Variants in DCC observed in about 807,000 individuals in gnomAD.
DCC encodes netrin receptor DCC.
Under a neutral mutation model 172.5 loss-of-function variants are expected in DCC, and 58 were observed. The observed-to-expected ratio is 0.34, with a 90% confidence interval of 0.27 to 0.42. DCC has a LOEUF of 0.42. Ranked by LOEUF, DCC falls within the 10% of genes least tolerant of loss-of-function variation. DCC has a pLI of 1.00. For synonymous variants in DCC, 709 were observed against 644.5 expected, an observed-to-expected ratio of 1.10 and a Z score of -1.52; for missense variants, 1,740 against 1,791.0, an observed-to-expected ratio of 0.97 and a Z score of 0.51.
chr18:52,530,246 C>T (rs2032108604), intron 1 of DCC, among the ~76,000 whole-genome samples: 1 of 152,074 alleles, frequency 6.6e-6, no homozygotes, highest in African/African-American at 2.4e-5. Context: ...CACACACACG[C>T]ACACACACAA....
intron 27 of DCC, among the ~76,000 whole-genome samples, chr18:53,518,691 T>C (rs1266001194): frequency 6.6e-6 from 1 of 152,090 alleles, no homozygotes; most frequent in Non-Finnish European, 1.5e-5. Context: ...CTTAATTAGT[T>C]GTATATCAGT....
At chr18:53,520,678 C>G (rs2046389751) in intron 27 of DCC, among the ~76,000 whole-genome samples, 1 of 152,036 alleles carries the variant, frequency 6.6e-6, no homozygotes, top group South Asian at 2.1e-4. Flanking sequence ...CAAAAAAATA[C>G]AAACATCATG....
At chr18:52,371,624 T>C (rs1224418588) in intron 1 of DCC, among the ~76,000 whole-genome samples, 1 of 152,196 alleles carries the variant, frequency 6.6e-6, no homozygotes, top group Non-Finnish European at 1.5e-5. Flanking sequence ...TAATTAGACC[T>C]CCTTCCCCTC....
At chr18:52,490,569 G>T (rs973617329) in intron 1 of DCC, among the ~76,000 whole-genome samples, 1 of 152,072 alleles carries the variant, frequency 6.6e-6, no homozygotes, top group African/African-American at 2.4e-5. Flanking sequence ...TTGCTTCCCC[G>T]TGAAGGGCGC....
intron 8 of DCC, among the ~76,000 whole-genome samples, chr18:53,172,353 C>G (rs1015343723): frequency 1.3e-5 from 2 of 148,948 alleles, no homozygotes; most frequent in Non-Finnish European, 1.5e-5. Context: ...GGTTGAAAAA[C>G]TGTTGCGTAC....
chr18:52,883,215 A>G (rs533583039), intron 2 of DCC, among the ~76,000 whole-genome samples: 12 of 152,136 alleles, frequency 7.9e-5, no homozygotes, highest in African/African-American at 2.6e-4. Context: ...AAGACATTCT[A>G]TGGCTTTGGA....
intron 8 of DCC, among the ~76,000 whole-genome samples, chr18:53,175,021 T>C (rs1294203248): frequency 6.6e-6 from 1 of 151,366 alleles, no homozygotes; most frequent in Non-Finnish European, 1.5e-5. Context: ...GCTGGTTCAA[T>C]ATACGCAAAT....
chr18:53,406,868 A>G (rs1241464605), intron 19 of DCC, among the ~76,000 whole-genome samples: 1 of 152,078 alleles, frequency 6.6e-6, no homozygotes, highest in African/African-American at 2.4e-5. Flanking sequence ...ACACATCCCA[A>G]TGAAGTTGCT....
At chr18:52,440,733 T>C (rs1045954054) in intron 1 of DCC, among the ~76,000 whole-genome samples, 7 of 152,246 alleles carry the variant, frequency 4.6e-5, no homozygotes. Flanking sequence ...TTAAGCACCA[T>C]TGCTGTATGG....
chr18:52,460,422 T>C (rs1036231034), intron 1 of DCC, among the ~76,000 whole-genome samples: 4 of 152,224 alleles, frequency 2.6e-5, no homozygotes, highest in African/African-American at 9.6e-5. Flanking sequence ...GCTTCCAAGA[T>C]AGTAAACTCT....
chr18:52,542,964 T>C (rs906160004), intron 1 of DCC, among the ~76,000 whole-genome samples: 4 of 152,238 alleles, frequency 2.6e-5, no homozygotes, highest in Non-Finnish European at 5.9e-5. Context: ...TATTCGAAGC[T>C]GGGCTTAACC....
At chr18:52,903,408 T>C (rs2039837605) in intron 2 of DCC, among the ~76,000 whole-genome samples, 1 of 152,126 alleles carries the variant, frequency 6.6e-6, no homozygotes, top group South Asian at 2.1e-4. Flanking sequence ...CGTTTCATCA[T>C]GTTGCCCAGG....
At chr18:53,438,280 C>T (rs139172640) in intron 22 of DCC, among the ~76,000 whole-genome samples, 81 of 152,194 alleles carry the variant, frequency 5.3e-4, no homozygotes, top group African/African-American at 1.9e-3. Context: ...GAGAAATTAA[C>T]CTATAGGTTT....
At chr18:52,457,889 A>G (rs1449567293) in intron 1 of DCC, among the ~76,000 whole-genome samples, 1 of 143,850 alleles carries the variant, frequency 7.0e-6, no homozygotes, top group African/African-American at 2.7e-5. Flanking sequence ...GACAGTTTCA[A>G]CTGGTTAAAA....
At chr18:53,117,050 A>G (rs1475008152) in intron 7 of DCC, among the ~76,000 whole-genome samples, 3 of 151,696 alleles carry the variant, frequency 2.0e-5, no homozygotes, top group Non-Finnish European at 4.4e-5. Flanking sequence ...AATCCAGTAA[A>G]ATGCATATAT....
chr18:53,160,027 G>A (rs1006905883), intron 8 of DCC, among the ~76,000 whole-genome samples: 7 of 152,108 alleles, frequency 4.6e-5, no homozygotes, highest in African/African-American at 1.4e-4. Context: ...ATGAGGAAGA[G>A]AAAGGGAAGG....
At chr18:53,128,187 T>C (rs2043593810) in intron 7 of DCC, among the ~76,000 whole-genome samples, 1 of 152,196 alleles carries the variant, frequency 6.6e-6, no homozygotes, top group Admixed American at 6.6e-5. Context: ...TTTTCTCACT[T>C]ACCTTAGTAC....
chr18:53,253,853 C>G (rs889101451), intron 12 of DCC, among the ~76,000 whole-genome samples: 1 of 152,024 alleles, frequency 6.6e-6, no homozygotes, highest in African/African-American at 2.4e-5. Context: ...TTCCTCCACT[C>G]CCAGCCATGC....
intron 15 of DCC, among the ~76,000 whole-genome samples, chr18:53,380,704 A>G (rs905189960): frequency 6.6e-6 from 1 of 152,214 alleles, no homozygotes; most frequent in Non-Finnish European, 1.5e-5. Flanking sequence ...GCATTACTTT[A>G]GAAAAACCAT....
Sources: allele counts gnomAD v4.1 joint callset (sites outside exome capture counted in the v4.1 genomes callset), GRCh38; gene constraint gnomAD v4.1.1; transcripts MANE v1.5; gene names NCBI Gene and HGNC (gene_info 2026-07-23, HGNC 2026-07-21).